The following ELOVL5 variants were observed in gnomAD, a reference collection of about 807,000 sequenced individuals.
ELOVL5 encodes very long chain fatty acid elongase 5.
In ELOVL5, 8 loss-of-function variants were observed where a neutral mutation model predicts 38.6. The ratio of observed to expected loss-of-function variants is 0.21; its 90% CI spans 0.12 to 0.37. The LOEUF is 0.37. ELOVL5 is among the 10% of genes least tolerant of loss of function. The probability of loss-of-function intolerance (pLI) is 1.00; values close to 1 mark genes in which losing one functional copy is unlikely to be tolerated. For synonymous variants in ELOVL5, 127 were observed against 133.7 expected, an observed-to-expected ratio of 0.95 and a Z score of 0.34; for missense variants, 280 against 367.8, an observed-to-expected ratio of 0.76 and a Z score of 1.95.
rs578044966 is a variant in ELOVL5, at chr6:53,331,687, G to A, written c.-9+17130C>T. Among the ~76,000 whole-genome samples the A allele has an allele frequency of 2.6e-5, 4 of 152,270 alleles. No homozygotes were observed. The South Asian group carries it at 8.3e-4, about 32-fold the overall frequency. ...TTAAATGAAACTTGGAGTACACCGA[G>A]TTTAAAAATCTAACACTCAAAATAT... On this transcript the variant is annotated intron_variant, in intron 1 of 7. Transcript: ENST00000304434.
chr6:53,346,377 G>C (rs566695418), intron 1 of ELOVL5, among the ~76,000 whole-genome samples: 2 of 152,282 alleles, frequency 1.3e-5, no homozygotes, highest in Non-Finnish European at 2.9e-5. Flanking sequence ...ACATACGTGT[G>C]CATGTGTCTT....
intron 1 of ELOVL5, among the ~76,000 whole-genome samples, chr6:53,309,112 G>A (rs1427901958): frequency 6.6e-6 from 1 of 152,068 alleles, no homozygotes; most frequent in Admixed American, 6.5e-5. Flanking sequence ...ATCAGTAGAG[G>A]AGATCCATAA....
At chr6:53,287,840 A>G (rs1260467319) in intron 3 of ELOVL5, 2 of 1,532,308 alleles carry the variant, frequency 1.3e-6, no homozygotes, top group African/African-American at 2.7e-5. Flanking sequence ...ATTCAAAGCC[A>G]TGTGCACTGC....
chr6:53,324,269 A>G (rs808244), intron 1 of ELOVL5, among the ~76,000 whole-genome samples: 9 of 125,260 alleles, frequency 7.2e-5, no homozygotes, highest in Non-Finnish European at 1.1e-4. Context: ...AAAAAAAAAA[A>G]AAAAAAGAAA....
chr6:53,325,134 TAAG>T (rs1241454596), intron 1 of ELOVL5, among the ~76,000 whole-genome samples: 1 of 152,174 alleles, frequency 6.6e-6, no homozygotes, highest in Non-Finnish European at 1.5e-5. Context: ...ATCCTACTAA[TAAG>T]TTTTCAGGGA....
intron 1 of ELOVL5, among the ~76,000 whole-genome samples, chr6:53,309,184 G>A (rs1327251346): frequency 2.0e-5 from 3 of 152,162 alleles, no homozygotes; most frequent in African/African-American, 4.8e-5. Context: ...AACAAGGAAC[G>A]TATCTGTCTT....
intron 3 of ELOVL5, 41 bp from the exon 4 acceptor site, chr6:53,276,297 C>G (rs892776505): frequency 5.5e-6 from 7 of 1,283,868 alleles, no homozygotes; most frequent in Admixed American, 1.7e-5. Flanking sequence ...AGCATCTGAG[C>G]CATGTAAAGT....
chr6:53,297,618 AT>A (rs1156871906), intron 1 of ELOVL5, among the ~76,000 whole-genome samples: 1 of 152,130 alleles, frequency 6.6e-6, no homozygotes, highest in African/African-American at 2.4e-5. Context: ...GTTCGATTTA[AT>A]TATTAGTTAT....
intron 1 of ELOVL5, among the ~76,000 whole-genome samples, chr6:53,300,383 TGCAG>T (rs968288053): frequency 6.6e-6 from 1 of 152,066 alleles, no homozygotes; most frequent in African/African-American, 2.4e-5. Context: ...GCCCTGGGAT[TGCAG>T]GCTGGTGAGA....
At chr6:53,336,431 A>C (rs1769071279) in intron 1 of ELOVL5, among the ~76,000 whole-genome samples, 1 of 152,240 alleles carries the variant, frequency 6.6e-6, no homozygotes, top group Non-Finnish European at 1.5e-5. Flanking sequence ...AGGCTGAAGC[A>C]GGCAGACTGC....
chr6:53,335,683 G>A (rs1463382166), intron 1 of ELOVL5, among the ~76,000 whole-genome samples: 24 of 152,132 alleles, frequency 1.6e-4, no homozygotes, highest in Non-Finnish European at 2.9e-5. Context: ...ACAGACAGCC[G>A]GTTCTTGCCC....
At chr6:53,342,191 T>A (rs209517) in intron 1 of ELOVL5, among the ~76,000 whole-genome samples, 60,178 of 152,158 alleles carry the variant, frequency 0.4, 14,135 homozygotes, top group East Asian at 0.58. Context: ...CAACGACTTC[T>A]GTAAATATTG....
chr6:53,348,660 C>T (rs1045340696), intron 1 of ELOVL5, among the ~76,000 whole-genome samples, 157 bp downstream of exon 1: 2 of 152,312 alleles, frequency 1.3e-5, no homozygotes, highest in Admixed American at 6.5e-5. Flanking sequence ...AGCTGGAGGC[C>T]GCGGGCGGAG....
intron 4 of ELOVL5, among the ~76,000 whole-genome samples, chr6:53,275,949 C>T (rs1406831432): frequency 6.6e-6 from 1 of 152,154 alleles, no homozygotes; most frequent in Non-Finnish European, 1.5e-5. Context: ...ATTTTTCCTG[C>T]CAATTGTTAA....
chr6:53,274,395 G>A (rs1766035171), intron 5 of ELOVL5, among the ~76,000 whole-genome samples: 2 of 152,024 alleles, frequency 1.3e-5, no homozygotes, highest in Non-Finnish European at 2.9e-5. Context: ...ATCAAGGGCA[G>A]TGCTATCCCA....
At chr6:53,326,116 A>C (rs1387112691) in intron 1 of ELOVL5, among the ~76,000 whole-genome samples, 1 of 152,192 alleles carries the variant, frequency 6.6e-6, no homozygotes, top group Non-Finnish European at 1.5e-5. Flanking sequence ...GTAGACAGAA[A>C]GGGTAGGGTA....
intron 1 of ELOVL5, among the ~76,000 whole-genome samples, chr6:53,298,865 C>A (rs1581947575): frequency 6.9e-6 from 1 of 145,762 alleles, no homozygotes; most frequent in Non-Finnish European, 1.5e-5. Flanking sequence ...CCTAACACAC[C>A]CCTAGAGAGA....
chr6:53,278,738 T>C (rs1367593251), intron 3 of ELOVL5, among the ~76,000 whole-genome samples: 1 of 152,168 alleles, frequency 6.6e-6, no homozygotes, highest in Non-Finnish European at 1.5e-5. Flanking sequence ...AGGTTCCCTG[T>C]AGGAGCTCTG....
chr6:53,309,013 A>G (rs1337111048), intron 1 of ELOVL5, among the ~76,000 whole-genome samples: 1 of 152,168 alleles, frequency 6.6e-6, no homozygotes, highest in Non-Finnish European at 1.5e-5. Context: ...CACATCACAC[A>G]TAACAAGCAT....
Sources: gnomAD v4.1 joint callset for allele counts (sites outside exome capture counted in the v4.1 genomes callset) on GRCh38, gnomAD v4.1.1 for gene constraint, MANE v1.5 for transcripts, NCBI Gene and HGNC (gene_info 2026-07-23, HGNC 2026-07-21) for gene names.